Variants in CNTNAP2 observed in about 807,000 individuals in gnomAD.
CNTNAP2 encodes the protein contactin associated protein 2.
In CNTNAP2, 98 loss-of-function variants were observed where a neutral mutation model predicts 155.2. The ratio of observed to expected loss-of-function variants is 0.63; its 90% CI spans 0.54 to 0.75. The LOEUF (loss-of-function observed/expected upper bound fraction) is 0.75. CNTNAP2 is among the 30% of genes least tolerant of loss of function. CNTNAP2 has a pLI of 0.00. For synonymous variants in CNTNAP2, 651 were observed against 631.2 expected (o/e 1.03, Z -0.47); for missense variants, 1,727 against 1,688.1 (o/e 1.02, Z -0.40).
intron 1 of CNTNAP2, among the ~76,000 whole-genome samples, chr7:146,163,499 C>CTA (rs1308594081): frequency 5.4e-5 from 5 of 91,992 alleles, no homozygotes; most frequent in South Asian, 4.4e-4. Flanking sequence ...ATATCTATAT[C>CTA]TATATATCTA....
intron 1 of CNTNAP2, among the ~76,000 whole-genome samples, chr7:146,428,463 C>T (rs1057029524): frequency 2.6e-5 from 4 of 151,818 alleles, no homozygotes; most frequent in Non-Finnish European, 5.9e-5. Flanking sequence ...GATGGTGTCT[C>T]ATTGTGGTTT....
rs189829868 is a variant in CNTNAP2 at position 146,729,208 on chromosome 7, T to C, written c.98-45063T>C. ...TCATTAGGGCTCCTCAGACAGCAAC[T>C]CACCACCTCCAGGGAGTAGCTTAAA... On this transcript the variant is annotated intron_variant, in intron 1 of 23. Transcript: ENST00000361727. 3.1e-3 allele frequency among the ~76,000 whole-genome samples: 472 copies of C among 152,268 alleles called. 3 individuals carry two copies. Among genetic ancestry groups the C allele is most frequent in the Middle Eastern group, 6.8e-3 (2 of 294 alleles).
At chr7:146,751,113 T>C (rs1169854602) in intron 1 of CNTNAP2, among the ~76,000 whole-genome samples, 1 of 152,098 alleles carries the variant, frequency 6.6e-6, no homozygotes, top group East Asian at 1.9e-4. Context: ...AGAGTCTTAA[T>C]AGCATGGGAA....
At chr7:147,958,914 A>G (rs948589942) in intron 14 of CNTNAP2, among the ~76,000 whole-genome samples, 3 of 152,052 alleles carry the variant, frequency 2.0e-5, no homozygotes, top group Non-Finnish European at 2.9e-5. Flanking sequence ...TGTAGGGTGG[A>G]ATCTGTAATT....
chr7:147,490,882 C>G (rs1240592904), intron 11 of CNTNAP2, among the ~76,000 whole-genome samples: 1 of 152,104 alleles, frequency 6.6e-6, no homozygotes, highest in Non-Finnish European at 1.5e-5. Context: ...GACATGGTGG[C>G]AGGAGAGAGA....
chr7:147,362,963 A>G (rs1796169681), intron 9 of CNTNAP2, among the ~76,000 whole-genome samples: 2 of 152,222 alleles, frequency 1.3e-5, no homozygotes, highest in African/African-American at 4.8e-5. Context: ...TATATGCTTT[A>G]TCAAAGAGTC....
intron 11 of CNTNAP2, among the ~76,000 whole-genome samples, chr7:147,516,079 G>A (rs1799121450): frequency 6.6e-6 from 1 of 152,174 alleles, no homozygotes. Flanking sequence ...GCAGAGATAA[G>A]AGACTTACAA....
intron 1 of CNTNAP2, among the ~76,000 whole-genome samples, chr7:146,246,240 G>A (rs1340743038): frequency 1.3e-5 from 2 of 150,474 alleles, no homozygotes; most frequent in African/African-American, 2.5e-5. Flanking sequence ...TTAAGGTGGG[G>A]TAATACAAGA....
At chr7:147,744,795 C>A (rs1364808573) in intron 13 of CNTNAP2, among the ~76,000 whole-genome samples, 4 of 152,062 alleles carry the variant, frequency 2.6e-5, no homozygotes, top group Non-Finnish European at 5.9e-5. Flanking sequence ...CTAAGGACAC[C>A]AATACTATCC....
chr7:146,308,102 A>G (rs1439728152), intron 1 of CNTNAP2, among the ~76,000 whole-genome samples: 1 of 152,212 alleles, frequency 6.6e-6, no homozygotes, highest in African/African-American at 2.4e-5. Context: ...AATATCCAGA[A>G]TCTACAAAGA....
chr7:146,398,184 CTTTTTTT>C (rs34144986), intron 1 of CNTNAP2, among the ~76,000 whole-genome samples: 10 of 107,052 alleles, frequency 9.3e-5, no homozygotes, highest in African/African-American at 4.1e-4. Context: ...CGGCCCCAAA[CTTTTTTT>C]TTTTTTTTTT....
At chr7:146,809,374 G>T (rs902665160) in intron 2 of CNTNAP2, among the ~76,000 whole-genome samples, 2 of 151,376 alleles carry the variant, frequency 1.3e-5, no homozygotes, top group Non-Finnish European at 2.9e-5. Flanking sequence ...GTTTTGTTTT[G>T]TTTTTGAGAT....
chr7:147,672,654 G>T (rs76021958), intron 13 of CNTNAP2: 1 of 152,118 alleles, frequency 6.6e-6, no homozygotes, highest in East Asian at 1.9e-4. Context: ...TGTCAAGCAC[G>T]TCCCATTTTA....
At chr7:147,176,058 G>A (rs920032806) in intron 8 of CNTNAP2, among the ~76,000 whole-genome samples, 1 of 152,054 alleles carries the variant, frequency 6.6e-6, no homozygotes, top group Admixed American at 6.6e-5. Flanking sequence ...TTGTATGGCT[G>A]GTCTGAGTAT....
intron 1 of CNTNAP2, among the ~76,000 whole-genome samples, chr7:146,611,516 A>G (rs1799136656): frequency 1.3e-5 from 2 of 152,178 alleles, no homozygotes; most frequent in South Asian, 4.1e-4. Flanking sequence ...CTGCCTTTTC[A>G]CATGTGAAAG....
intron 8 of CNTNAP2, among the ~76,000 whole-genome samples, chr7:147,224,619 A>T: frequency 6.6e-6 from 1 of 152,320 alleles, no homozygotes; most frequent in East Asian, 1.9e-4. Flanking sequence ...TTTAGTTAGA[A>T]TTTTTAAATT....
At chr7:148,071,341 A>G (rs1014802634) in intron 15 of CNTNAP2, among the ~76,000 whole-genome samples, 3 of 152,162 alleles carry the variant, frequency 2.0e-5, no homozygotes, top group Admixed American at 2.0e-4. Flanking sequence ...ATTGCTGGGC[A>G]TAGCAGCAGG....
At chr7:148,019,443 G>T (rs772940790) in intron 15 of CNTNAP2, among the ~76,000 whole-genome samples, 1 of 151,990 alleles carries the variant, frequency 6.6e-6, no homozygotes, top group Non-Finnish European at 1.5e-5. Flanking sequence ...ATTCAGAGTT[G>T]TTTTGTGTTT....
chr7:147,500,145 C>T (rs1798784280), intron 11 of CNTNAP2, among the ~76,000 whole-genome samples: 1 of 135,434 alleles, frequency 7.4e-6, no homozygotes, highest in Non-Finnish European at 1.6e-5. Context: ...TCTTTGGAAA[C>T]AGTTTATGGA....
Sources: allele counts gnomAD v4.1 joint callset (sites outside exome capture counted in the v4.1 genomes callset), GRCh38; gene constraint gnomAD v4.1.1; transcripts MANE v1.5; gene names NCBI Gene and HGNC (gene_info 2026-07-23, HGNC 2026-07-21).